Variants in MACROD2 observed in about 807,000 individuals in gnomAD.
The protein encoded by MACROD2 is ADP-ribose glycohydrolase MACROD2.
MACROD2 carries 36 observed loss-of-function variants against 70.4 expected under a neutral mutation model. The observed-to-expected ratio is 0.51, with a 90% confidence interval of 0.39 to 0.68. The LOEUF (loss-of-function observed/expected upper bound fraction) is 0.68, where lower values mean the gene tolerates loss of function less well. MACROD2 is among the 30% of genes least tolerant of loss of function. The pLI is 0.00. For synonymous variants in MACROD2, 172 were observed against 178.8 expected, an observed-to-expected ratio of 0.96 and a Z score of 0.30; for missense variants, 496 against 538.4, an observed-to-expected ratio of 0.92 and a Z score of 0.78.
chr20:15,964,561 G>T (rs1454680034), intron 12 of MACROD2, among the ~76,000 whole-genome samples: 1 of 151,932 alleles, frequency 6.6e-6, no homozygotes, highest in Non-Finnish European at 1.5e-5. Context: ...AATTTTAGGG[G>T]GACACAAATA....
At chr20:15,460,190 A>G (rs1380915383) in intron 7 of MACROD2, among the ~76,000 whole-genome samples, 1 of 152,210 alleles carries the variant, frequency 6.6e-6, no homozygotes, top group African/African-American at 2.4e-5. Context: ...TGATGTCAAC[A>G]TGGATAAAAC....
At chr20:15,292,436 A>G (rs371178808) in intron 6 of MACROD2, among the ~76,000 whole-genome samples, 96 of 152,316 alleles carry the variant, frequency 6.3e-4, no homozygotes, top group African/African-American at 2.3e-3. Flanking sequence ...CTCACCCCGT[A>G]TTAGCTTTTG....
intron 3 of MACROD2, among the ~76,000 whole-genome samples, chr20:14,345,765 C>G (rs973609252): frequency 4.6e-5 from 7 of 151,544 alleles, no homozygotes; most frequent in African/African-American, 1.7e-4. Flanking sequence ...ACAAGTTGTT[C>G]ATTATTTAGA....
At chr20:15,918,776 C>T (rs139054038) in intron 10 of MACROD2, among the ~76,000 whole-genome samples, 3 of 152,362 alleles carry the variant, frequency 2.0e-5, no homozygotes, top group African/African-American at 7.2e-5. Flanking sequence ...TCTATCATCC[C>T]TCCACCATCG....
chr20:14,845,110 T>C (rs997406718), intron 5 of MACROD2, among the ~76,000 whole-genome samples: 4 of 152,130 alleles, frequency 2.6e-5, no homozygotes, highest in African/African-American at 9.7e-5. Context: ...TTCTCTCTCA[T>C]GTGATGCCTT....
chr20:14,479,359 T>C (rs756344404), intron 3 of MACROD2, among the ~76,000 whole-genome samples: 7 of 152,144 alleles, frequency 4.6e-5, no homozygotes, highest in Non-Finnish European at 8.8e-5. Context: ...TCTCAGACCC[T>C]GTTGAGAAGG....
intron 5 of MACROD2, among the ~76,000 whole-genome samples, chr20:15,138,537 T>G (rs1428674921): frequency 6.6e-6 from 1 of 152,172 alleles, no homozygotes. Flanking sequence ...AGAAGTCTTA[T>G]TTGCTCAGCT....
At chr20:15,632,773 A>G (rs997293206) in intron 8 of MACROD2, among the ~76,000 whole-genome samples, 3 of 151,886 alleles carry the variant, frequency 2.0e-5, no homozygotes, top group African/African-American at 7.3e-5. Context: ...TTGCCTGCCT[A>G]CTTTCCGTTC....
intron 6 of MACROD2, among the ~76,000 whole-genome samples, chr20:15,288,867 GTCTATCTA>G (rs3070384): frequency 0.13 from 19,466 of 146,892 alleles, 1,307 homozygotes; most frequent in Middle Eastern, 0.23. Context: ...CTGTCTGTCT[GTCTATCTA>G]TCTATCTATC....
intron 5 of MACROD2, among the ~76,000 whole-genome samples, chr20:14,720,146 C>T (rs1006599062): frequency 7.2e-5 from 11 of 152,078 alleles, no homozygotes; most frequent in African/African-American, 1.9e-4. Flanking sequence ...GATCACTACA[C>T]GATAGTAATA....
intron 3 of MACROD2, among the ~76,000 whole-genome samples, chr20:14,369,434 C>A (rs1486986979): frequency 6.6e-6 from 1 of 152,182 alleles, no homozygotes; most frequent in Admixed American, 6.5e-5. Context: ...ACATCACATA[C>A]TTTTCTTACT....
chr20:15,139,604 G>C (rs2076176587), intron 5 of MACROD2, among the ~76,000 whole-genome samples: 1 of 151,908 alleles, frequency 6.6e-6, no homozygotes, highest in African/African-American at 2.4e-5. Context: ...TTCATTTTTT[G>C]GGTTCCAAAC....
chr20:15,460,671 T>G (rs1200984156), intron 7 of MACROD2, among the ~76,000 whole-genome samples: 1 of 152,104 alleles, frequency 6.6e-6, no homozygotes, highest in South Asian at 2.1e-4. Context: ...TCAAAACCTA[T>G]GTAAACAATT....
At chr20:15,490,142 C>A (rs1388703192) in intron 7 of MACROD2, among the ~76,000 whole-genome samples, 1 of 150,500 alleles carries the variant, frequency 6.6e-6, no homozygotes, top group African/African-American at 2.5e-5. Flanking sequence ...TTCCTTCCTT[C>A]CTTCCTTCCT....
At chr20:14,309,073 C>T (rs2082544053) in intron 3 of MACROD2, among the ~76,000 whole-genome samples, 1 of 152,134 alleles carries the variant, frequency 6.6e-6, no homozygotes, top group Non-Finnish European at 1.5e-5. Context: ...CTGTTATTAT[C>T]ATCACTTAGC....
chr20:15,696,678 G>GTT (rs374403186), intron 8 of MACROD2, among the ~76,000 whole-genome samples: 5,128 of 88,624 alleles, frequency 0.058, 517 homozygotes, highest in African/African-American at 0.2. Flanking sequence ...TAGTCCTGGA[G>GTT]TTTTTTTTTT....
chr20:14,229,382 G>A (rs2081778550), intron 3 of MACROD2, among the ~76,000 whole-genome samples: 1 of 151,990 alleles, frequency 6.6e-6, no homozygotes, highest in South Asian at 2.1e-4. Context: ...CCAACAATAA[G>A]AAAACAACTC....
intron 5 of MACROD2, among the ~76,000 whole-genome samples, chr20:14,861,148 T>C (rs755189550): frequency 3.3e-5 from 5 of 152,102 alleles, no homozygotes; most frequent in Middle Eastern, 3.2e-3. Flanking sequence ...GTGGGCAGCA[T>C]TGAGGGAACT....
chr20:14,849,998 G>T, intron 5 of MACROD2: 1 of 517,590 alleles, frequency 1.9e-6, no homozygotes, highest in Non-Finnish European at 3.9e-6. Flanking sequence ...ATCTACCAAA[G>T]ATTAAGTATG....
Sources: allele counts gnomAD v4.1 joint callset (sites outside exome capture counted in the v4.1 genomes callset), GRCh38; gene constraint gnomAD v4.1.1; transcripts MANE v1.5; gene names NCBI Gene and HGNC (gene_info 2026-07-23, HGNC 2026-07-21).